The following PHF23 variants were observed in gnomAD, a reference collection of about 807,000 sequenced individuals.
The protein encoded by PHF23 is PHD finger protein 23.
In PHF23, 3 loss-of-function variants were observed where a neutral mutation model predicts 36.0. The ratio of observed to expected loss-of-function variants is 0.08; its 90% CI spans 0.04 to 0.22. The LOEUF (loss-of-function observed/expected upper bound fraction) is 0.22. PHF23 is among the 10% of genes least tolerant of loss of function. PHF23 has a pLI of 1.00. For synonymous variants in PHF23, 242 were observed against 192.5 expected (o/e 1.26, Z -2.13); for missense variants, 475 against 513.6 (o/e 0.92, Z 0.73).
chr17:7,235,644 G>A lies in PHF23; in HGVS notation c.1194C>T (p.Pro398=). 6.2e-7 allele frequency: 1 copy of A among 1,613,656 alleles called. No homozygotes were observed. Among genetic ancestry groups the A allele is most frequent in the Non-Finnish European group, 8.5e-7 (1 of 1,180,012 alleles). Residue 398 remains proline (P), a synonymous_variant, in exon 5 of 5, where the codon CCC becomes CCT. Coordinates refer to ENST00000320316, the MANE Select transcript of PHF23 (RefSeq NM_024297.3). ...GGTGCCATCAGGGCTCTCCAGATTT[G>A]GGAGGCCCCCCTAACCGCCGGGCCT... The part of the protein sequence containing the change: ...RPEARRLGGP[P]KSGEP
chr17:7,239,063 C>T (rs2071741441), intron 1 of PHF23, 183 bp downstream of exon 1: 1 of 1,253,502 alleles, frequency 8.0e-7, no homozygotes, highest in African/African-American at 1.5e-5. Context: ...CTACCCCAGC[C>T]CAGTTTCCCA....
rs1203900335 is a variant in PHF23 at position 7,238,893 on chromosome 17, CT to C, written c.34+352del. On this transcript the variant is annotated intron_variant, in intron 1 of 4. Coordinates refer to ENST00000320316, the MANE Select transcript of PHF23 (RefSeq NM_024297.3). ...AACTACCGGGCCCCTCACTCAGCCT[CT>C]TCTACGTCCTCCCTCCTGAGCAACT... 6 of 1,533,416 alleles carry C rather than the reference CT, an allele frequency of 3.9e-6. No individual in the cohort carries two copies. In the East Asian group the frequency reaches 1.5e-4, roughly 38 times the overall value. The allele number at this position is 1,533,416 out of a possible 1,614,324, so 95.0% of individuals were successfully genotyped here.
At chr17:7,239,519 C>CT, upstream of PHF23, 1 of 401,614 alleles carries the variant, frequency 2.5e-6, no homozygotes, top group Non-Finnish European at 4.6e-6. Context: ...TCCTCCTCCA[C>CT]CTCCTCTCTC....
At position 7,239,318 on chromosome 17, in the gene PHF23, C is replaced by T. The variant is rs1200373161; in HGVS notation, c.-39G>A. On this transcript the variant is annotated 5_prime_UTR_variant, in exon 1 of 5. Transcript: ENST00000320316. ...CCTCCCGGTCCGGCGCCCCCCTCCC[C>T]GGAGCCGGGGATCCCGGTGCCGCCT... The T allele has an allele frequency of 8.9e-7, 1 of 1,128,198 alleles. No individual in the cohort carries two copies. Among genetic ancestry groups the T allele is most frequent in the Non-Finnish European group, 1.3e-6 (1 of 761,830 alleles). 69.9% of individuals were successfully genotyped at this position (1,128,198 alleles called of 1,614,324 possible).
Position 7,236,384 on chromosome 17 carries a change from CTTCT to C in PHF23, c.539_542del (p.Lys180ArgfsTer43). ...GCCCCAACTTTCGGTTCTTTCGGTC[CTTCT>C]TTCGAGGAGGATGGGAGAGGTCCCC... On this transcript the variant is annotated frameshift_variant, in exon 4 of 5. Coordinates refer to ENST00000320316, the MANE Select transcript of PHF23 (RefSeq NM_024297.3). LOFTEE classifies it high-confidence loss of function. This position sits in a 1 kb window ranked among gnomAD's most constrained non-coding sequence, Gnocchi z 5.1. 6.2e-7 allele frequency: 1 copy of C among 1,614,102 alleles called. No homozygotes were observed. The highest frequency in any genetic ancestry group is 8.5e-7 in the Non-Finnish European group (1 of 1,180,036).
At position 7,238,540 on chromosome 17, in the gene PHF23, G is replaced by A. The variant is rs1472914472; in HGVS notation, c.34+706C>T. 7.0e-5 allele frequency: 69 copies of A among 992,210 alleles called. No homozygotes were observed. The African/African-American group carries it at 1.6e-3, about 24-fold the overall frequency. 61.5% of individuals were successfully genotyped at this position (992,210 alleles called of 1,614,324 possible). A position where few individuals can be genotyped will look rare whatever the true frequency, so the allele number is the denominator to read the frequency against. On this transcript the variant is annotated intron_variant, in intron 1 of 4. Coordinates refer to ENST00000320316, the MANE Select transcript of PHF23 (RefSeq NM_024297.3). ...TCTCTCTCTCTCCACAGCAGCCACCGCTGCTGCCGCCGATGCCCCCCTCAC... is the reference window on the plus strand; with the variant it reads ...TCTCTCTCTCTCCACAGCAGCCACCACTGCTGCCGCCGATGCCCCCCTCAC...
rs1350876537 is a variant in PHF23, at chr17:7,235,399, A to T, written c.*227T>A. 1 of 561,860 alleles carries T rather than the reference A, an allele frequency of 1.8e-6. No individual in the cohort carries two copies. The highest frequency in any genetic ancestry group is 3.2e-6 in the Non-Finnish European group (1 of 314,254). 34.8% of individuals were successfully genotyped at this position (561,860 alleles called of 1,614,324 possible). ...AGACAGAGATTATGTGTCGGGACAC[A>T]GACAGCCTCCCATCCCCAACCGTAA... On this transcript the variant is annotated 3_prime_UTR_variant, in exon 5 of 5. Transcript: ENST00000320316.
At chr17:7,238,096 C>A (rs2071713070) in intron 1 of PHF23, 1 of 186,530 alleles carries the variant, frequency 5.4e-6, no homozygotes, top group Non-Finnish European at 1.1e-5. Context: ...ACCGCACACG[C>A]CGCCCGCCAG....
In PHF23 at chr17:7,236,092, G is replaced by T. The variant is rs769882499; in HGVS notation, c.835C>A (p.Pro279Thr). 1.2e-5 allele frequency: 19 copies of T among 1,613,252 alleles called. No homozygotes were observed. In the South Asian group the frequency reaches 2.0e-4, roughly 17 times the overall value. ...EAPVPVLPTP[P>T]EAPRPPATVH... ...GTGGCAGGGGGCCTAGGAGCCTCAG[G>T]GGGTGTTGGCAGCACAGGGACTGGG... is the stretch of plus-strand genomic sequence containing the variant. The change falls in exon 4 of 5, where the codon CCT (proline) becomes ACT (threonine). Residue 279 changes from proline (P) to threonine (T), a missense_variant. This residue lies in a region of PHF23 where 350 missense variants were observed against 319.8 expected (regional missense o/e 1.09). Coordinates refer to ENST00000320316, the MANE Select transcript of PHF23 (RefSeq NM_024297.3). The surrounding 1 kb of genome is among the most constrained non-coding windows in gnomAD (Gnocchi z 5.1).
chr17:7,237,919 C>G (rs1462778270), intron 1 of PHF23: 4 of 522,414 alleles, frequency 7.7e-6, no homozygotes, highest in Non-Finnish European at 1.4e-5. Context: ...GCCCCCCCAA[C>G]TCACGGTCTC....
upstream of PHF23, chr17:7,239,479 C>T (rs982758654): frequency 1.5e-5 from 7 of 473,430 alleles, no homozygotes; most frequent in South Asian, 2.5e-5. Context: ...CCCCCTCCCC[C>T]CGCGCCGCCG....
Position 7,239,249 on chromosome 17 carries a change from C to A in PHF23, c.31G>T (p.Glu11Ter). The A allele has an allele frequency of 6.5e-7, 1 of 1,548,810 alleles. No homozygotes were observed. The highest frequency in any genetic ancestry group is 8.8e-7 in the Non-Finnish European group (1 of 1,131,884). Residue 11 changes from glutamate (E) to a stop codon, truncating the protein, a stop_gained, in exon 1 of 5, where the codon GAA (glutamate) becomes TAA (stop). Transcript: ENST00000320316. LOFTEE classifies it high-confidence loss of function. ...TCTGCACCGGTCGAGAGCTCACCTT[C>A]GGGACTGGGCTCCGCCATGGCTTCC... The part of the protein sequence containing the change: MLEAMAEPSP[E>*]DPPPTLKPET...
In PHF23 at chr17:7,236,912, C is replaced by G; in HGVS notation, c.160-145G>C. 7.0e-7 allele frequency: 1 copy of G among 1,433,726 alleles called. No individual in the cohort carries two copies. The allele number at this position is 1,433,726 out of a possible 1,614,324, so 88.8% of individuals were successfully genotyped here. A position where few individuals can be genotyped will look rare whatever the true frequency, so the allele number is the denominator to read the frequency against. On this transcript the variant is annotated intron_variant, in intron 3 of 4. Coordinates refer to ENST00000320316, the MANE Select transcript of PHF23 (RefSeq NM_024297.3). The surrounding 1 kb of genome is among the most constrained non-coding windows in gnomAD (Gnocchi z 5.1). ...ATCCCACTGTACTCCAAAAACTTCT[C>G]CCCACCCCAATTCCCATCAGCATGT...
upstream of PHF23, chr17:7,239,509 T>A (rs1346272581): frequency 9.4e-6 from 4 of 425,026 alleles, no homozygotes; most frequent in Non-Finnish European, 1.3e-5. Flanking sequence ...TCCCTCCTCC[T>A]CCTCCTCCAC....
At chr17:7,238,509 CCA>C (rs1273054855) in intron 1 of PHF23, 1 of 892,424 alleles carries the variant, frequency 1.1e-6, no homozygotes, top group Non-Finnish European at 1.3e-6. Flanking sequence ...CCCCAACCAG[CCA>C]CTCTCTCTCT....
chr17:7,240,688 C>A, upstream of PHF23: 1 of 598,802 alleles, frequency 1.7e-6, no homozygotes, highest in Admixed American at 3.1e-5. Flanking sequence ...CCAACTCCAC[C>A]ATTACCCCTC....
rs569508322 is a variant in PHF23 at position 7,236,156 on chromosome 17, TTCCTCTTCC to T, written c.762_770del (p.Glu259_Glu261del). ...CCACTGTTGCCATCTCTTCTTCTTC[TTCCTCTTCC>T]TCCTCTTCCTCCTCCTCTTCAGAGT... On this transcript the variant is annotated inframe_deletion, in exon 4 of 5. Coordinates refer to ENST00000320316, the MANE Select transcript of PHF23 (RefSeq NM_024297.3). This position sits in a 1 kb window ranked among gnomAD's most constrained non-coding sequence, Gnocchi z 5.1. 969 of 1,610,220 alleles carry T rather than the reference TTCCTCTTCC, an allele frequency of 6.0e-4. 4 individuals carry two copies. The highest frequency in any genetic ancestry group is 2.7e-3 in the South Asian group (248 of 90,438).
chr17:7,239,178 C>G, intron 1 of PHF23, 68 bp downstream of exon 1: 1 of 1,187,538 alleles, frequency 8.4e-7, no homozygotes, highest in Non-Finnish European at 1.2e-6. Context: ...GCTCGACCTC[C>G]AAGTTTGCCA....
At position 7,238,829 on chromosome 17, in the gene PHF23, A is replaced by AG. The variant is rs1382266318; in HGVS notation, c.34+416dup. On this transcript the variant is annotated intron_variant, in intron 1 of 4. Transcript: ENST00000320316. ...GCATTCTCCGGCGGCAACTACTCGG[A>AG]GCTCCGGTACCACCGCCACAAACTA... The AG allele has an allele frequency of 2.1e-5, 32 of 1,532,484 alleles. 1 individual carries two copies. The highest frequency in any genetic ancestry group is 2.8e-5 in the Non-Finnish European group (32 of 1,145,918). 94.9% of individuals were successfully genotyped at this position (1,532,484 alleles called of 1,614,324 possible).
Sources: gnomAD v4.1 joint callset for allele counts on GRCh38, gnomAD v4.1.1 for gene constraint, gnomAD v4.1.1 regional missense constraint, Gnocchi (gnomAD v3.1) non-coding constraint, MANE v1.5 for transcripts, NCBI Gene and HGNC (gene_info 2026-07-23, HGNC 2026-07-21) for gene names.